GPC3: variants seen among roughly 807,000 people sequenced by gnomAD.
The protein encoded by GPC3 is glypican 3.
Under a neutral mutation model 34.4 loss-of-function variants are expected in GPC3, and 3 were observed. That is an observed-to-expected ratio of 0.09 (90% CI 0.04 to 0.23). The LOEUF (loss-of-function observed/expected upper bound fraction) is 0.23. Ranked by LOEUF, GPC3 falls within the 10% of genes least tolerant of loss-of-function variation. The pLI, the probability that GPC3 is intolerant of heterozygous loss-of-function variation, is 1.00. For missense variants in GPC3, 351 were observed against 445.6 expected, an observed-to-expected ratio of 0.79 and a Z score of 1.91; for synonymous variants, 177 against 174.0, an observed-to-expected ratio of 1.02 and a Z score of -0.13.
chrX:133,767,069 C>A (rs1010491284), intron 2 of GPC3, among the ~76,000 whole-genome samples: 9 of 112,086 alleles, frequency 8.0e-5, no homozygotes, highest in Non-Finnish European at 1.5e-4. Flanking sequence ...CAGTTTGAAT[C>A]CAGAGCTTAC....
At chrX:133,668,775 G>A (rs1603217794) in intron 5 of GPC3, among the ~76,000 whole-genome samples, 2 of 111,783 alleles carry the variant, frequency 1.8e-5, no homozygotes, top group South Asian at 7.5e-4. Flanking sequence ...CAGCAGAGCT[G>A]GAGTGTGAAC....
intron 5 of GPC3, among the ~76,000 whole-genome samples, chrX:133,684,882 CT>C (rs370742490): frequency 0.016 from 1,602 of 100,329 alleles, 36 homozygotes; most frequent in African/African-American, 0.049. Context: ...GCATATAGGT[CT>C]TTTTTTTTTT....
intron 2 of GPC3, among the ~76,000 whole-genome samples, chrX:133,756,863 C>T (rs1458327492): frequency 8.9e-6 from 1 of 112,371 alleles, no homozygotes; most frequent in Non-Finnish European, 1.9e-5. Flanking sequence ...GGACAACAAA[C>T]CAAGCCATAA....
At chrX:133,610,121 G>C (rs1277196961) in intron 6 of GPC3, among the ~76,000 whole-genome samples, 1 of 111,913 alleles carries the variant, frequency 8.9e-6, no homozygotes, top group East Asian at 2.8e-4. Flanking sequence ...ACCAAGTCCA[G>C]CTAATTTGTA....
At chrX:133,657,821 T>C (rs138280250) in intron 6 of GPC3, among the ~76,000 whole-genome samples, 1 of 108,755 alleles carries the variant, frequency 9.2e-6, no homozygotes, top group East Asian at 2.9e-4. Context: ...GGAAACAAAG[T>C]GAAAAGCTAT....
At chrX:133,963,014 G>A (rs1180711880) in intron 1 of GPC3, among the ~76,000 whole-genome samples, 2 of 112,159 alleles carry the variant, frequency 1.8e-5, no homozygotes, top group East Asian at 2.8e-4. Flanking sequence ...CCCAATTGTA[G>A]GGTAATCAAT....
intron 2 of GPC3, among the ~76,000 whole-genome samples, chrX:133,863,399 A>T: frequency 8.9e-6 from 1 of 111,757 alleles, no homozygotes; most frequent in South Asian, 3.8e-4. Context: ...GGGCAACAGG[A>T]ACATTTTTAA....
At chrX:133,582,838 C>A (rs1181908484) in intron 7 of GPC3, among the ~76,000 whole-genome samples, 1 of 110,801 alleles carries the variant, frequency 9.0e-6, no homozygotes, top group Non-Finnish European at 1.9e-5. Flanking sequence ...ACTGGACAAC[C>A]TTAATATTGA....
chrX:133,781,683 C>T (rs2072045927), intron 2 of GPC3, among the ~76,000 whole-genome samples: 1 of 111,092 alleles, frequency 9.0e-6, no homozygotes, highest in African/African-American at 3.3e-5. Flanking sequence ...GGGGAAGAGG[C>T]AAATTGGAAG....
In GPC3 at chrX:133,743,515, T is replaced by G. The variant is rs1483644152; in HGVS notation, c.1032+9967A>C. On this transcript the variant is annotated intron_variant, in intron 3 of 7. Coordinates refer to ENST00000370818, the MANE Select transcript of GPC3 (RefSeq NM_004484.4). ...AAGAGGTCAGTGAGCCAAGGTTACT[T>G]GTGGTGCCATTGTGAGTGGATAATG... Among the ~76,000 whole-genome samples the G allele has an allele frequency of 2.7e-5, 3 of 112,424 alleles. No homozygotes were observed. In the Admixed American group the frequency reaches 2.8e-4, roughly 11 times the overall value.
chrX:133,614,451 A>T (rs1412978420), intron 6 of GPC3, among the ~76,000 whole-genome samples: 1 of 108,506 alleles, frequency 9.2e-6, no homozygotes, highest in Non-Finnish European at 1.9e-5. Flanking sequence ...CAGTGAGATG[A>T]CATTCAAAAC....
chrX:133,582,497 A>G (rs1001690418), intron 7 of GPC3, among the ~76,000 whole-genome samples: 1 of 112,242 alleles, frequency 8.9e-6, no homozygotes, highest in Non-Finnish European at 1.9e-5. Context: ...CTGCTCTGCT[A>G]TTTATTGCTA....
intron 7 of GPC3, among the ~76,000 whole-genome samples, chrX:133,553,733 T>C (rs2069458248): frequency 8.9e-6 from 1 of 111,891 alleles, no homozygotes; most frequent in Non-Finnish European, 1.9e-5. Flanking sequence ...TGGATTCTTT[T>C]TTTCCATTTA....
At chrX:133,860,062 A>G (rs905424798) in intron 2 of GPC3, among the ~76,000 whole-genome samples, 1 of 111,465 alleles carries the variant, frequency 9.0e-6, no homozygotes, top group Non-Finnish European at 1.9e-5. Flanking sequence ...AAGCCTGTTC[A>G]TGAGGGATCC....
chrX:133,644,629 T>C (rs2070522047), intron 6 of GPC3, among the ~76,000 whole-genome samples: 1 of 111,593 alleles, frequency 9.0e-6, no homozygotes, highest in Non-Finnish European at 1.9e-5. Context: ...TGTTTTGATA[T>C]AATTCTTACA....
chrX:133,911,896 T>C (rs2076201994), intron 2 of GPC3, among the ~76,000 whole-genome samples: 1 of 111,861 alleles, frequency 8.9e-6, no homozygotes, highest in South Asian at 3.7e-4. Flanking sequence ...GTTTCTCAAT[T>C]CTCTGATTCT....
At chrX:133,754,321 G>A (rs2071706201) in intron 2 of GPC3, 145 bp from the exon 3 acceptor site, 2 of 477,324 alleles carry the variant, frequency 4.2e-6, no homozygotes, top group Non-Finnish European at 7.0e-6. Flanking sequence ...ATTCATTTCT[G>A]GCATTGCCTC....
At chrX:133,713,858 C>T (rs756655936) in intron 3 of GPC3, among the ~76,000 whole-genome samples, 7 of 111,702 alleles carry the variant, frequency 6.3e-5, no homozygotes, top group African/African-American at 2.3e-4. Context: ...CTGATGAGAA[C>T]AGAGGTGACA....
At chrX:133,816,394 T>C (rs1306542099) in intron 2 of GPC3, among the ~76,000 whole-genome samples, 1 of 111,682 alleles carries the variant, frequency 9.0e-6, no homozygotes, top group Non-Finnish European at 1.9e-5. Flanking sequence ...AAACTTGTTC[T>C]TGATGGCTTG....
Sources: allele counts gnomAD v4.1 joint callset (sites outside exome capture counted in the v4.1 genomes callset), GRCh38; gene constraint gnomAD v4.1.1; transcripts MANE v1.5; gene names NCBI Gene and HGNC (gene_info 2026-07-23, HGNC 2026-07-21).